Variants in HELQ observed in about 807,000 individuals in gnomAD.
HELQ encodes helicase, POLQ like, also known as helicase POLQ-like.
In HELQ, 77 loss-of-function variants were observed where a neutral mutation model predicts 111.6. The observed-to-expected ratio is 0.69, with a 90% CI of 0.57 to 0.83. HELQ has a LOEUF of 0.83. HELQ is among the 40% of genes least tolerant of loss of function. The probability of loss-of-function intolerance (pLI) is 0.00; values close to 1 mark genes in which losing one functional copy is unlikely to be tolerated. For missense variants in HELQ, 1,200 were observed against 1,288.5 expected (o/e 0.93, Z 1.05); for synonymous variants, 438 against 454.7 (o/e 0.96, Z 0.47).
In HELQ at chr4:83,421,567, C is replaced by G; in HGVS notation, c.2945G>C (p.Cys982Ser). 1.2e-6 allele frequency: 2 copies of G among 1,610,192 alleles called. No individual in the cohort carries two copies. The highest frequency in any genetic ancestry group is 8.5e-7 in the Non-Finnish European group (1 of 1,177,846). Residue 982 changes from cysteine to serine, a missense_variant, in exon 15 of 18, where the codon TGT becomes TCT. This residue lies in a region of HELQ where 585 missense variants were observed against 665.3 expected (regional missense o/e 0.88). Transcript: ENST00000295488. ...ASFSSCVLHF[C>S]EELEEFWVYR... ...TCATATATTCAATGAAATTACCTCA[C>G]AGAAATGTAACACACAAGATGAGAA... is the stretch of plus-strand genomic sequence containing the variant.
At chr4:83,424,417 T>A (rs1187906728) in intron 14 of HELQ, among the ~76,000 whole-genome samples, 1 of 152,222 alleles carries the variant, frequency 6.6e-6, no homozygotes, top group East Asian at 1.9e-4. Flanking sequence ...AATGCTTAAG[T>A]ACTACAGATA....
chr4:83,442,561 G>A (rs1254180160), intron 6 of HELQ, among the ~76,000 whole-genome samples: 2 of 151,570 alleles, frequency 1.3e-5, no homozygotes, highest in Non-Finnish European at 1.5e-5. Flanking sequence ...ACAGGCGTGC[G>A]TCACCATGCC....
chr4:83,417,396 T>C (rs1015453294), intron 16 of HELQ, among the ~76,000 whole-genome samples: 4 of 152,052 alleles, frequency 2.6e-5, no homozygotes, highest in Non-Finnish European at 5.9e-5. Flanking sequence ...AAAGATGGGG[T>C]TTCACCATGT....
At chr4:83,407,633 C>T in intron 17 of HELQ, 73 bp from the exon 18 acceptor site, 1 of 844,018 alleles carries the variant, frequency 1.2e-6, no homozygotes, top group East Asian at 2.5e-5. Flanking sequence ...TACCACTGTC[C>T]ATTGAACACC....
intron 5 of HELQ, among the ~76,000 whole-genome samples, chr4:83,444,223 T>C (rs1245366681): frequency 6.6e-6 from 1 of 152,160 alleles, no homozygotes; most frequent in African/African-American, 2.4e-5. Context: ...TATAACTGTC[T>C]ATCTGGATCC....
chr4:83,408,494 G>A (rs2109955644), intron 17 of HELQ, among the ~76,000 whole-genome samples: 1 of 151,742 alleles, frequency 6.6e-6, no homozygotes, highest in South Asian at 2.1e-4. Flanking sequence ...CTCATCATCT[G>A]CCTGCCTCAG....
intron 2 of HELQ, among the ~76,000 whole-genome samples, chr4:83,450,222 T>TA (rs71668650): frequency 0.03 from 1,375 of 45,502 alleles, 233 homozygotes; most frequent in Non-Finnish European, 0.046. Flanking sequence ...CAGTTAAGTT[T>TA]AAAAAAAAAA....
chr4:83,453,552 C>T lies in HELQ; in HGVS notation c.691G>A (p.Val231Met). ...CAATTATGGGGCAGTTCCTCATTCA[C>T]AGTGTTGTGAGAGGATGACTTCCAA... ...RDWKSSSHNT[V>M]NEELPHNCIE... The change falls in exon 2 of 18, where the codon GTG becomes ATG. Residue 231 changes from valine (V) to methionine (M), a missense_variant. Val to Met is a conservative substitution (Grantham distance 21). Coordinates refer to ENST00000295488, the MANE Select transcript of HELQ (RefSeq NM_133636.5). The T allele has an allele frequency of 6.2e-7, 1 of 1,613,446 alleles. No homozygotes were observed. The highest frequency in any genetic ancestry group is 8.5e-7 in the Non-Finnish European group (1 of 1,179,750).
At chr4:83,443,825 G>A (rs1311923152) in intron 5 of HELQ, among the ~76,000 whole-genome samples, 1 of 152,012 alleles carries the variant, frequency 6.6e-6, no homozygotes, top group African/African-American at 2.4e-5. Flanking sequence ...TGGGAAGATC[G>A]CTTGAGGGCA....
At chr4:83,423,529 T>C (rs1181812047) in intron 14 of HELQ, among the ~76,000 whole-genome samples, 1 of 152,182 alleles carries the variant, frequency 6.6e-6, no homozygotes, top group Non-Finnish European at 1.5e-5. Context: ...ATTGAGTCAA[T>C]GTAGGTTTTT....
intron 11 of HELQ, among the ~76,000 whole-genome samples, chr4:83,430,289 AAAC>A (rs936017182): frequency 6.7e-6 from 1 of 148,230 alleles, no homozygotes; most frequent in Non-Finnish European, 1.5e-5. Flanking sequence ...AAAAAACAAA[AAAC>A]AAAATAAATT....
At position 83,427,666 on chromosome 4, in the gene HELQ, A is replaced by T; in HGVS notation, c.2573T>A (p.Leu858His). 6.2e-7 allele frequency: 1 copy of T among 1,605,478 alleles called. No individual in the cohort carries two copies. Among genetic ancestry groups the T allele is most frequent in the Non-Finnish European group, 8.5e-7 (1 of 1,176,374 alleles). Residue 858 changes from leucine to histidine, a missense_variant, in exon 13 of 18, where the codon CTT becomes CAT. Physicochemically the swap from Leu to His is moderately conservative, Grantham distance 99. Coordinates refer to ENST00000295488, the MANE Select transcript of HELQ (RefSeq NM_133636.5). ...AAGGCTTTCAAGCACAAGTCCTTCA[A>T]GACCTTTCTTCAAGTCTCTGTACAG... ...DILYRDLKKG[L>H]EGLVLESLLH...
In HELQ at chr4:83,416,777, T is replaced by A; in HGVS notation, c.3152A>T (p.Asp1051Val). ...CTTGGCTTGGCGTCTTGATAAATGA[T>A]CAATTGTCCTTACGAGCACTTCAGG... ...ANPEVLVRTIDHLSRRQAKQI... is the reference protein window; with the variant it reads ...ANPEVLVRTIVHLSRRQAKQI... Residue 1051 changes from aspartate (D) to valine (V), a missense_variant, in exon 17 of 18, where the codon GAT (aspartate) becomes GTT (valine). Physicochemically the swap from Asp to Val is radical, Grantham distance 152. Coordinates refer to ENST00000295488, the MANE Select transcript of HELQ (RefSeq NM_133636.5). 3.1e-6 allele frequency: 5 copies of A among 1,613,936 alleles called. No homozygotes were observed. Among genetic ancestry groups the A allele is most frequent in the Non-Finnish European group, 4.2e-6 (5 of 1,179,926 alleles).
At chr4:83,413,957 GAAGC>G (rs1162662550) in intron 17 of HELQ, among the ~76,000 whole-genome samples, 1 of 152,192 alleles carries the variant, frequency 6.6e-6, no homozygotes, top group Non-Finnish European at 1.5e-5. Context: ...ACCCAAGTGA[GAAGC>G]ACCCAGCTGC....
At position 83,416,884 on chromosome 4, in the gene HELQ, A is replaced by G; in HGVS notation, c.3064-19T>C. 6.3e-7 allele frequency: 1 copy of G among 1,581,206 alleles called. No individual in the cohort carries two copies. Among genetic ancestry groups the G allele is most frequent in the Non-Finnish European group, 8.6e-7 (1 of 1,167,882 alleles). ...CTCGACCCTGAAAAGTGTTACAAAA[A>G]TCAGTAGGATAATAGTTTGGGATTA... On this transcript the variant is annotated intron_variant, in intron 16 of 17. Transcript: ENST00000295488.
Position 83,455,461 on chromosome 4 carries a change from C to A in HELQ, c.233G>T (p.Gly78Val), listed in dbSNP as rs779019644. 2 of 1,614,194 alleles carry A rather than the reference C, an allele frequency of 1.2e-6. No individual in the cohort carries two copies. The highest frequency in any genetic ancestry group is 1.1e-5 in the South Asian group (1 of 91,084). ...LSDSPECLVL[G>V]GGDTNPDLLR... ...GAGGTCCGGGTTTGTATCACCACCT[C>A]CAAGGACGAGACATTCCGGGGAATC... Residue 78 changes from glycine to valine, a missense_variant, in exon 1 of 18, where the codon GGA becomes GTA. This residue lies in a region of HELQ where 610 missense variants were observed against 607.1 expected (regional missense o/e 1.00). Coordinates refer to ENST00000295488, the MANE Select transcript of HELQ (RefSeq NM_133636.5).
At position 83,429,176 on chromosome 4, in the gene HELQ, C is replaced by T. The variant is rs141425615; in HGVS notation, c.2518+348G>A. ...TTTTTTTATTTTTGAGATGGAGTCTCGGCTCTGTTGCCCAGCCTGGAGTGC... is the reference window on the plus strand; with the variant it reads ...TTTTTTTATTTTTGAGATGGAGTCTTGGCTCTGTTGCCCAGCCTGGAGTGC... On this transcript the variant is annotated intron_variant, in intron 12 of 17. Coordinates refer to ENST00000295488, the MANE Select transcript of HELQ (RefSeq NM_133636.5). 8.6e-3 allele frequency among the ~76,000 whole-genome samples: 1,301 copies of T among 152,120 alleles called. 15 individuals carry two copies. The highest frequency in any genetic ancestry group is 0.03 in the African/African-American group (1,226 of 41,522).
intron 15 of HELQ, among the ~76,000 whole-genome samples, chr4:83,420,908 A>T (rs1353375303): frequency 6.6e-6 from 1 of 150,968 alleles, no homozygotes; most frequent in Admixed American, 6.6e-5. Flanking sequence ...ACTACACTCC[A>T]GCCTGGGCGT....
In HELQ at chr4:83,427,671, T is replaced by C. The variant is rs145868560; in HGVS notation, c.2568A>G (p.Lys856=). 8 of 1,604,136 alleles carry C rather than the reference T, an allele frequency of 5.0e-6. No individual in the cohort carries two copies. In the African/African-American group the frequency reaches 9.4e-5, roughly 19 times the overall value. Residue 856 remains lysine, a synonymous_variant, in exon 13 of 18, where the codon AAA becomes AAG. Transcript: ENST00000295488. ...YCDILYRDLK[K]GLEGLVLESL... Reference sequence around the variant, plus strand: ...TTTCAAGCACAAGTCCTTCAAGACCTTTCTTCAAGTCTCTGTACAGAATGT... The same window carrying C: ...TTTCAAGCACAAGTCCTTCAAGACCCTTCTTCAAGTCTCTGTACAGAATGT...
Sources: gnomAD v4.1 joint callset for allele counts (sites outside exome capture counted in the v4.1 genomes callset) on GRCh38, gnomAD v4.1.1 for gene constraint, gnomAD v4.1.1 regional missense constraint, MANE v1.5 for transcripts, NCBI Gene and HGNC (gene_info 2026-07-23, HGNC 2026-07-21) for gene names.